The following RBFOX1 variants were observed in gnomAD, a reference collection of about 807,000 sequenced individuals.
RBFOX1 encodes RNA binding protein fox-1 homolog 1.
In RBFOX1, 8 loss-of-function variants were observed where a neutral mutation model predicts 57.7. The observed-to-expected ratio is 0.14, with a 90% CI of 0.08 to 0.25. The LOEUF (loss-of-function observed/expected upper bound fraction) is 0.25. Among genes scored for constraint, RBFOX1 ranks in the 10% least tolerant of loss-of-function variants. The probability of loss-of-function intolerance (pLI) is 1.00; values close to 1 mark genes in which losing one functional copy is unlikely to be tolerated. For missense variants in RBFOX1, 611 were observed against 548.5 expected (o/e 1.11, Z -1.14); for synonymous variants, 326 against 222.4 (o/e 1.47, Z -4.15).
intron 3 of RBFOX1, among the ~76,000 whole-genome samples, chr16:5,663,126 C>T (rs1305040177): frequency 4.6e-5 from 7 of 152,122 alleles, no homozygotes; most frequent in East Asian, 1.9e-4. Context: ...CACCGTACAA[C>T]GCATAGGACA....
At chr16:6,421,240 C>T (rs2093763726) in intron 2 of RBFOX1, among the ~76,000 whole-genome samples, 1 of 152,154 alleles carries the variant, frequency 6.6e-6, no homozygotes, top group African/African-American at 2.4e-5. Flanking sequence ...GGACAGAGGG[C>T]AGCCCGCATC....
chr16:5,765,996 C>T (rs1433111342), intron 3 of RBFOX1, among the ~76,000 whole-genome samples: 2 of 152,220 alleles, frequency 1.3e-5, no homozygotes, highest in African/African-American at 4.8e-5. Flanking sequence ...TGATTTACAA[C>T]ACTGGAGAGT....
chr16:5,274,448 G>A (rs1311650721), intron 1 of RBFOX1, among the ~76,000 whole-genome samples: 1 of 152,168 alleles, frequency 6.6e-6, no homozygotes, highest in Non-Finnish European at 1.5e-5. Flanking sequence ...AGATTCGCTT[G>A]AACCCAGGGG....
chr16:7,419,837 G>A (rs1199562612), intron 4 of RBFOX1, among the ~76,000 whole-genome samples: 3 of 150,712 alleles, frequency 2.0e-5, no homozygotes, highest in Non-Finnish European at 4.4e-5. Flanking sequence ...ATGGAGGCAT[G>A]TCCTTTTTTT....
At chr16:6,647,094 C>T (rs1476145224) in intron 2 of RBFOX1, among the ~76,000 whole-genome samples, 5 of 152,110 alleles carry the variant, frequency 3.3e-5, no homozygotes, top group Non-Finnish European at 2.9e-5. Context: ...GTGTCAGGTT[C>T]TGATGAGCAC....
chr16:5,281,566 G>A (rs577280409), intron 1 of RBFOX1, among the ~76,000 whole-genome samples: 17 of 152,114 alleles, frequency 1.1e-4, no homozygotes, highest in East Asian at 3.9e-4. Context: ...CTATCTCTCC[G>A]TCTAGATTTC....
intron 2 of RBFOX1, among the ~76,000 whole-genome samples, chr16:5,478,592 A>G (rs191045448): frequency 6.6e-6 from 1 of 152,342 alleles, no homozygotes; most frequent in East Asian, 1.9e-4. Flanking sequence ...AACAAATTCT[A>G]ATATGACCCC....
chr16:6,339,460 G>C (rs546977595), intron 2 of RBFOX1, among the ~76,000 whole-genome samples: 85 of 152,232 alleles, frequency 5.6e-4, no homozygotes, highest in Admixed American at 1.8e-3. Context: ...TGAGGGCTAG[G>C]GTTCTTGGAG....
intron 1 of RBFOX1, among the ~76,000 whole-genome samples, chr16:5,372,153 A>G (rs1274888919): frequency 6.6e-6 from 1 of 152,150 alleles, no homozygotes; most frequent in African/African-American, 2.4e-5. Flanking sequence ...ACTGCCTTTG[A>G]AGGGAGGTTA....
At chr16:6,976,424 T>G (rs910473590) in intron 3 of RBFOX1, among the ~76,000 whole-genome samples, 2 of 152,148 alleles carry the variant, frequency 1.3e-5, no homozygotes, top group African/African-American at 4.8e-5. Flanking sequence ...GAGCATGTTT[T>G]ATACATCTGT....
intron 3 of RBFOX1, among the ~76,000 whole-genome samples, chr16:6,944,657 C>G (rs2079151203): frequency 6.6e-6 from 1 of 152,068 alleles, no homozygotes; most frequent in African/African-American, 2.4e-5. Context: ...TGCATCACAG[C>G]CTAGAAAGTG....
intron 2 of RBFOX1, among the ~76,000 whole-genome samples, chr16:6,559,145 G>A (rs1337226004): frequency 6.6e-6 from 1 of 150,432 alleles, no homozygotes; most frequent in Non-Finnish European, 1.5e-5. Context: ...ATATACATAT[G>A]TGTATATATA....
intron 2 of RBFOX1, among the ~76,000 whole-genome samples, chr16:5,582,166 G>T (rs76387091): frequency 0.049 from 7,486 of 152,238 alleles, 641 homozygotes; most frequent in African/African-American, 0.17. Flanking sequence ...CTCTCGCCCC[G>T]GGAGTACCAG....
At chr16:6,654,282 G>T (rs1333467935) in intron 2 of RBFOX1, among the ~76,000 whole-genome samples, 1 of 152,188 alleles carries the variant, frequency 6.6e-6, no homozygotes, top group Non-Finnish European at 1.5e-5. Flanking sequence ...CTCTGCTGAT[G>T]TGAACAATTG....
intron 2 of RBFOX1, among the ~76,000 whole-genome samples, chr16:6,597,944 A>T (rs572245693): frequency 3.5e-4 from 53 of 152,312 alleles, no homozygotes; most frequent in African/African-American, 1.3e-3. Flanking sequence ...AGAAAAGTAG[A>T]AGGAACTTTG....
chr16:6,676,651 T>C (rs894234679), intron 3 of RBFOX1, among the ~76,000 whole-genome samples: 1 of 151,264 alleles, frequency 6.6e-6, no homozygotes, highest in Non-Finnish European at 1.5e-5. Flanking sequence ...ACTTTCTTTT[T>C]TTTTCTTTTT....
At chr16:5,604,461 C>G (rs2047489734), downstream of RBFOX1, among the ~76,000 whole-genome samples, 1 of 152,178 alleles carries the variant, frequency 6.6e-6, no homozygotes, top group Non-Finnish European at 1.5e-5. Flanking sequence ...CTAGAGGCCA[C>G]CTACGGTTCC....
rs147108461 is a variant in RBFOX1 at position 6,389,752 on chromosome 16, C to T, written c.-64+72695C>T. 9.1e-3 allele frequency among the ~76,000 whole-genome samples: 1,385 copies of T among 152,222 alleles called. 19 individuals carry two copies. Among genetic ancestry groups the T allele is most frequent in the African/African-American group, 0.032 (1,313 of 41,534 alleles). On this transcript the variant is annotated intron_variant, in intron 2 of 15. Transcript: ENST00000550418. ...CTGTAGCCACCAAATAAATCATGGG[C>T]CAGAGAGGTTCAGGGACTCAAAGAC...
rs1282492374 is a variant in RBFOX1, at chr16:5,972,476, C to T, written c.351+105141C>T. Among the ~76,000 whole-genome samples, 4 of 152,162 alleles carry T rather than the reference C, an allele frequency of 2.6e-5. 1 individual carries two copies. Among genetic ancestry groups the T allele is most frequent in the Non-Finnish European group, 4.4e-5 (3 of 68,032 alleles). ...CCATCATTCACTCCATCAAGTATTC[C>T]AGCGTCCTCTCTTAAAATGAGAATG... On this transcript the variant is annotated intron_variant, in intron 4 of 19. Transcript: ENST00000641259.
Sources: gnomAD v4.1 joint callset for allele counts (sites outside exome capture counted in the v4.1 genomes callset) on GRCh38, gnomAD v4.1.1 for gene constraint, MANE v1.5 for transcripts, NCBI Gene and HGNC (gene_info 2026-07-23, HGNC 2026-07-21) for gene names.